The following NRIP1 variants were observed in gnomAD, a reference collection of about 807,000 sequenced individuals.
The protein encoded by NRIP1 is nuclear receptor-interacting protein 1.
In NRIP1, 28 loss-of-function variants were observed where a neutral mutation model predicts 75.0. That is an observed-to-expected ratio of 0.37 (90% CI 0.28 to 0.51). The LOEUF is 0.51. NRIP1 is among the 20% of genes least tolerant of loss of function. The probability of loss-of-function intolerance (pLI) is 0.92; values close to 1 mark genes in which losing one functional copy is unlikely to be tolerated. For missense variants in NRIP1, 1,435 were observed against 1,343.7 expected, an observed-to-expected ratio of 1.07 and a Z score of -1.06; for synonymous variants, 526 against 487.6, an observed-to-expected ratio of 1.08 and a Z score of -1.04.
rs190658728 is a variant in NRIP1 at position 15,049,591 on chromosome 21, T to A, written c.-537-6017A>T. 3.7e-4 allele frequency among the ~76,000 whole-genome samples: 56 copies of A among 152,218 alleles called. No individual in the cohort carries two copies. The East Asian group carries it at 7.5e-3, about 20-fold the overall frequency. On this transcript the variant is annotated intron_variant, in intron 1 of 3. Coordinates refer to ENST00000318948, the MANE Select transcript of NRIP1 (RefSeq NM_003489.4). ...GGTACTTTTTAAATGTTTATAATATTAGTACATATGCAGACTGTGAAGTAT... is the reference window on the plus strand; with the variant it reads ...GGTACTTTTTAAATGTTTATAATATAAGTACATATGCAGACTGTGAAGTAT...
At chr21:15,051,171 C>T (rs2089194115) in intron 1 of NRIP1, 1 of 314,128 alleles carries the variant, frequency 3.2e-6, no homozygotes, top group African/African-American at 2.2e-5. Context: ...GCATGCTGTG[C>T]CTCCGAGAAC....
At chr21:15,056,327 A>G (rs1204999727) in intron 1 of NRIP1, among the ~76,000 whole-genome samples, 1 of 151,966 alleles carries the variant, frequency 6.6e-6, no homozygotes, top group South Asian at 2.1e-4. Flanking sequence ...ACTTTGACTC[A>G]GGTCAGTCAA....
In NRIP1 at chr21:14,962,216, C is replaced by A. The variant is rs1174136449; in HGVS notation, c.*2500G>T. On this transcript the variant is annotated 3_prime_UTR_variant, in exon 4 of 4. Transcript: ENST00000318948. ...CCTTGAAAATGTGTATATGTGCATC[C>A]TTGTATCTACATATGCATAAACAAA... 4 of 151,562 alleles carry A rather than the reference C, an allele frequency of 2.6e-5. No homozygotes were observed. Among genetic ancestry groups the A allele is most frequent in the Admixed American group, 6.6e-5 (1 of 15,188 alleles). The allele number at this position is 151,562 out of a possible 1,614,324, so 9.4% of individuals were successfully genotyped here.
At chr21:15,036,101 C>A (rs1436751620) in intron 2 of NRIP1, among the ~76,000 whole-genome samples, 2 of 152,110 alleles carry the variant, frequency 1.3e-5, no homozygotes, top group African/African-American at 4.8e-5. Flanking sequence ...AATAAACAGG[C>A]TGTCTTTCAG....
chr21:15,046,503 T>C (rs1178875718), intron 1 of NRIP1, among the ~76,000 whole-genome samples: 1 of 152,168 alleles, frequency 6.6e-6, no homozygotes, highest in East Asian at 1.9e-4. Flanking sequence ...TTATACAGCA[T>C]AGGTAGAAGA....
chr21:15,036,385 C>G (rs567673467), intron 2 of NRIP1, among the ~76,000 whole-genome samples: 1 of 152,134 alleles, frequency 6.6e-6, no homozygotes, highest in Non-Finnish European at 1.5e-5. Flanking sequence ...GCTACTACTC[C>G]GTGTCACCAA....
rs1413976062 is a variant in NRIP1, at chr21:14,961,419, T to G, written c.*3297A>C. 1 of 152,478 alleles carries G rather than the reference T, an allele frequency of 6.6e-6. No homozygotes were observed. Among genetic ancestry groups the G allele is most frequent in the East Asian group, 1.9e-4 (1 of 5,198 alleles). 9.4% of individuals were successfully genotyped at this position (152,478 alleles called of 1,614,324 possible). A position where few individuals can be genotyped will look rare whatever the true frequency, so the allele number is the denominator to read the frequency against. On this transcript the variant is annotated 3_prime_UTR_variant, in exon 4 of 4. Transcript: ENST00000318948. Reference sequence around the variant, plus strand: ...GCAGATCGCATCAAATTTGGTTGTGTAAACACCAGAATTCTTACTATGAAT... The same window carrying G: ...GCAGATCGCATCAAATTTGGTTGTGGAAACACCAGAATTCTTACTATGAAT...
At chr21:14,998,899 T>A (rs1420048603) in intron 3 of NRIP1, among the ~76,000 whole-genome samples, 1 of 152,014 alleles carries the variant, frequency 6.6e-6, no homozygotes, top group African/African-American at 2.4e-5. Context: ...TTTGAGGGAG[T>A]CAAAAGTTAT....
At chr21:15,063,043 T>C (rs955261181) in intron 1 of NRIP1, among the ~76,000 whole-genome samples, 4 of 152,082 alleles carry the variant, frequency 2.6e-5, no homozygotes, top group Admixed American at 2.6e-4. Context: ...TATGTTCTGA[T>C]GTATATTTTA....
intron 3 of NRIP1, among the ~76,000 whole-genome samples, chr21:14,973,908 C>T (rs2086975893): frequency 6.9e-6 from 1 of 144,506 alleles, no homozygotes; most frequent in Non-Finnish European, 1.5e-5. Flanking sequence ...TCATCTTGAA[C>T]TCTTAGCCTC....
chr21:14,977,374 A>G (rs2087102309), intron 3 of NRIP1, among the ~76,000 whole-genome samples: 1 of 152,240 alleles, frequency 6.6e-6, no homozygotes, highest in African/African-American at 2.4e-5. Flanking sequence ...CACTAAGCCA[A>G]AAACAATTTA....
chr21:15,036,208 G>C (rs953834221), intron 2 of NRIP1, among the ~76,000 whole-genome samples: 1 of 152,122 alleles, frequency 6.6e-6, no homozygotes, highest in Non-Finnish European at 1.5e-5. Flanking sequence ...TTATGCCCTA[G>C]ATAATAAAGG....
intron 2 of NRIP1, among the ~76,000 whole-genome samples, chr21:15,028,292 T>TA (rs1438016283): frequency 1.3e-5 from 2 of 152,234 alleles, no homozygotes; most frequent in Non-Finnish European, 2.9e-5. Context: ...TTCATCCTGA[T>TA]AAACTTGCAT....
At position 14,965,120 on chromosome 21, in the gene NRIP1, G is replaced by C. The variant is rs768328715; in HGVS notation, c.3073C>G (p.Pro1025Ala). ...PEHLGCAGSRPESGLLNGCSM... is the reference protein window; with the variant it reads ...PEHLGCAGSRAESGLLNGCSM... ...CACCCATTCAAAAGCCCAGATTCTG[G>C]TCTAGACCCTGCACAGCCCAAGTGC... Residue 1025 changes from proline (P) to alanine (A), a missense_variant, in exon 4 of 4, where the codon CCA becomes GCA. By Grantham distance (27) the Pro-to-Ala change is conservative (BLOSUM62 -1). Coordinates refer to ENST00000318948, the MANE Select transcript of NRIP1 (RefSeq NM_003489.4). The C allele has an allele frequency of 5.6e-6, 9 of 1,612,858 alleles. No homozygotes were observed. In the African/African-American group the frequency reaches 1.2e-4, roughly 22 times the overall value.
chr21:14,994,560 A>G (rs2087668040), intron 3 of NRIP1, among the ~76,000 whole-genome samples: 3 of 152,256 alleles, frequency 2.0e-5, no homozygotes, highest in Admixed American at 2.0e-4. Context: ...ATTTCACTCA[A>G]GAAACAATTT....
At chr21:14,969,083 C>CA (rs1176737502) in intron 3 of NRIP1, among the ~76,000 whole-genome samples, 1 of 152,064 alleles carries the variant, frequency 6.6e-6, no homozygotes. Flanking sequence ...TTTCCGTTTT[C>CA]AAAAAAATGA....
Position 14,965,835 on chromosome 21 carries a change from A to T in NRIP1, c.2358T>A (p.Pro786=). ...AGGCAGGTGCGCTTCTCTGCACAGC[A>T]GGAGCCATACCCAAGAATGGGGCAC... ...AKSAPFLGMA[P]AVQRSAPALP... The change falls in exon 4 of 4, where the codon CCT becomes CCA. Residue 786 remains proline (P), a synonymous_variant. Transcript: ENST00000318948. 1 of 1,614,008 alleles carries T rather than the reference A, an allele frequency of 6.2e-7. No homozygotes were observed. The highest frequency in any genetic ancestry group is 8.5e-7 in the Non-Finnish European group (1 of 1,179,970).
chr21:15,064,541 G>A (rs1978680450), intron 1 of NRIP1, among the ~76,000 whole-genome samples: 1 of 151,788 alleles, frequency 6.6e-6, no homozygotes. Context: ...TTGCCGGCCC[G>A]CCGCCCCGGC....
intron 3 of NRIP1, among the ~76,000 whole-genome samples, chr21:14,988,499 ATG>A (rs368052539): frequency 3.8e-5 from 5 of 131,422 alleles, no homozygotes; most frequent in African/African-American, 8.5e-5. Context: ...GTATATATAT[ATG>A]TGTGTGTGTG....
Sources: gnomAD v4.1 joint callset for allele counts (sites outside exome capture counted in the v4.1 genomes callset) on GRCh38, gnomAD v4.1.1 for gene constraint, MANE v1.5 for transcripts, NCBI Gene and HGNC (gene_info 2026-07-23, HGNC 2026-07-21) for gene names.